The following ARSB variants were observed in gnomAD, a reference collection of about 807,000 sequenced individuals.
ARSB encodes the protein N-acetylgalactosamine-4-sulfatase.
A neutral mutation model predicts 50.9 loss-of-function variants in ARSB; 41 were observed. The observed-to-expected ratio is 0.81, with a 90% CI of 0.63 to 1.04. The LOEUF is 1.04. Ranked by LOEUF, ARSB falls within the 50% of genes least tolerant of loss-of-function variation. ARSB has a pLI of 0.00. For synonymous variants in ARSB, 269 were observed against 284.8 expected, an observed-to-expected ratio of 0.94 and a Z score of 0.56; for missense variants, 672 against 693.3, an observed-to-expected ratio of 0.97 and a Z score of 0.35.
At chr5:78,862,278 A>G (rs985124243) in intron 5 of ARSB, among the ~76,000 whole-genome samples, 2 of 152,200 alleles carry the variant, frequency 1.3e-5, no homozygotes, top group Non-Finnish European at 2.9e-5. Context: ...TAAAGTTCAG[A>G]TGGAAGCAAA....
chr5:78,912,094 C>T (rs1433825144), intron 4 of ARSB, among the ~76,000 whole-genome samples: 2 of 152,176 alleles, frequency 1.3e-5, no homozygotes, highest in East Asian at 3.8e-4. Flanking sequence ...TCAACACAGG[C>T]TTTCATCAAT....
chr5:78,968,474 G>A (rs1216386734), intron 2 of ARSB, among the ~76,000 whole-genome samples: 1 of 151,838 alleles, frequency 6.6e-6, no homozygotes, highest in Admixed American at 6.6e-5. Context: ...TCAGCCTCCT[G>A]AGTAGCTGGG....
intron 1 of ARSB, among the ~76,000 whole-genome samples, chr5:78,974,746 T>C (rs1752594773): frequency 6.6e-6 from 1 of 152,242 alleles, no homozygotes; most frequent in Non-Finnish European, 1.5e-5. Flanking sequence ...TTAAAATAGC[T>C]GCAATGTTTG....
chr5:78,872,830 A>AG (rs1554078059), intron 5 of ARSB, among the ~76,000 whole-genome samples: 11 of 150,158 alleles, frequency 7.3e-5, no homozygotes, highest in African/African-American at 2.4e-4. Context: ...AAAAAAAAAA[A>AG]AAAGAAAGGG....
At chr5:78,897,972 A>C (rs549652497) in intron 4 of ARSB, among the ~76,000 whole-genome samples, 20 of 152,260 alleles carry the variant, frequency 1.3e-4, no homozygotes, top group African/African-American at 4.6e-4. Context: ...TTAGTAATTA[A>C]AAACCTCCCC....
In ARSB at chr5:78,830,786, T is replaced by C. The variant is rs181950920; in HGVS notation, c.1213+8570A>G. Among the ~76,000 whole-genome samples, 18 of 152,300 alleles carry C rather than the reference T, an allele frequency of 1.2e-4. No homozygotes were observed. The East Asian group carries it at 2.7e-3, about 23-fold the overall frequency. ...AGCTATCTGTGTTTTGGCTCTGTGA[T>C]TGAGGGCATGTAGCAACCCACACCA... On this transcript the variant is annotated intron_variant, in intron 6 of 7. Transcript: ENST00000264914.
At chr5:78,794,190 G>A (rs1743094533) in intron 6 of ARSB, among the ~76,000 whole-genome samples, 1 of 152,148 alleles carries the variant, frequency 6.6e-6, no homozygotes. Context: ...TGCTGTAGTG[G>A]ATTCTAAATT....
chr5:78,872,139 C>G (rs200143930), intron 5 of ARSB, among the ~76,000 whole-genome samples: 1 of 147,672 alleles, frequency 6.8e-6, no homozygotes, highest in African/African-American at 2.4e-5. Context: ...CCAGTTAGAA[C>G]GGTAATCATT....
chr5:78,785,426 TTTGC>T (rs1232748251), intron 6 of ARSB, among the ~76,000 whole-genome samples: 1 of 152,204 alleles, frequency 6.6e-6, no homozygotes, highest in African/African-American at 2.4e-5. Context: ...TTTTTGTTTG[TTTGC>T]TTGTTCTATC....
chr5:78,933,608 C>T lies in ARSB; in HGVS notation c.898+21687G>A, dbSNP rs193220178. Among the ~76,000 whole-genome samples the T allele has an allele frequency of 8.3e-4, 126 of 152,050 alleles. 1 individual carries two copies. Among genetic ancestry groups the T allele is most frequent in the Non-Finnish European group, 4.0e-4 (27 of 67,984 alleles). ...TGGGACTATCACACAAGTATTAGGA[C>T]GAGCATTTGCATGTGTGGTGAATGT... On this transcript the variant is annotated intron_variant, in intron 4 of 7. Coordinates refer to ENST00000264914, the MANE Select transcript of ARSB (RefSeq NM_000046.5).
intron 6 of ARSB, among the ~76,000 whole-genome samples, chr5:78,820,058 G>C (rs866541607): frequency 6.6e-6 from 1 of 152,164 alleles, no homozygotes; most frequent in African/African-American, 2.4e-5. Flanking sequence ...CTGAGGAAGA[G>C]AGTTCTTCCC....
chr5:78,811,956 C>G (rs2112660091), intron 6 of ARSB, among the ~76,000 whole-genome samples: 1 of 151,884 alleles, frequency 6.6e-6, no homozygotes, highest in East Asian at 1.9e-4. Context: ...TTTTGGCCAA[C>G]TGAACTAATC....
chr5:78,787,654 A>C (rs1311097448), intron 6 of ARSB, among the ~76,000 whole-genome samples: 1 of 152,238 alleles, frequency 6.6e-6, no homozygotes, highest in Non-Finnish European at 1.5e-5. Flanking sequence ...AAAGATAAAT[A>C]AAATCCAAGG....
chr5:78,861,412 C>G (rs1746429928), intron 5 of ARSB, among the ~76,000 whole-genome samples: 1 of 152,174 alleles, frequency 6.6e-6, no homozygotes, highest in South Asian at 2.1e-4. Flanking sequence ...AGCTTATCCA[C>G]CAAGATCAAG....
chr5:78,937,571 T>C (rs1291062805), intron 4 of ARSB, among the ~76,000 whole-genome samples: 1 of 151,148 alleles, frequency 6.6e-6, no homozygotes, highest in Admixed American at 6.6e-5. Context: ...AAGTTCATAA[T>C]ATCAACAATA....
At chr5:78,827,830 G>T (rs1744501580) in intron 6 of ARSB, among the ~76,000 whole-genome samples, 1 of 151,870 alleles carries the variant, frequency 6.6e-6, no homozygotes, top group African/African-American at 2.4e-5. Flanking sequence ...GGCAAAACAA[G>T]AGTCTCTACA....
chr5:78,913,119 C>T (rs1391161652), intron 4 of ARSB, among the ~76,000 whole-genome samples: 1 of 102,512 alleles, frequency 9.8e-6, no homozygotes, highest in African/African-American at 3.4e-5. Flanking sequence ...AGTTTTAATT[C>T]GCTTTTTTTT....
intron 3 of ARSB, among the ~76,000 whole-genome samples, chr5:78,958,084 T>A (rs1225507292): frequency 6.6e-6 from 1 of 152,092 alleles, no homozygotes; most frequent in East Asian, 1.9e-4. Flanking sequence ...GGCTGGAGTA[T>A]GAGAAACAGG....
At chr5:78,882,444 A>G (rs2112197745) in intron 5 of ARSB, among the ~76,000 whole-genome samples, 1 of 152,290 alleles carries the variant, frequency 6.6e-6, no homozygotes, top group African/African-American at 2.4e-5. Context: ...TCTTTAGCTC[A>G]ATGATTTAAT....
Sources: gnomAD v4.1 joint callset for allele counts (sites outside exome capture counted in the v4.1 genomes callset) on GRCh38, gnomAD v4.1.1 for gene constraint, MANE v1.5 for transcripts, NCBI Gene and HGNC (gene_info 2026-07-23, HGNC 2026-07-21) for gene names.